Variants in SEPTIN11 observed in about 807,000 individuals in gnomAD.
SEPTIN11 encodes septin 11, also known as septin-11.
A neutral mutation model predicts 51.4 loss-of-function variants in SEPTIN11; 25 were observed. The ratio of observed to expected loss-of-function variants is 0.49; its 90% confidence interval spans 0.35 to 0.68. SEPTIN11 has a LOEUF of 0.68. SEPTIN11 is among the 30% of genes least tolerant of loss of function. The pLI is 0.00. For synonymous variants in SEPTIN11, 174 were observed against 184.1 expected, an observed-to-expected ratio of 0.95 and a Z score of 0.44; for missense variants, 381 against 520.8, an observed-to-expected ratio of 0.73 and a Z score of 2.61.
chr4:76,966,885 A>G (rs968419479), intron 1 of SEPTIN11, among the ~76,000 whole-genome samples: 5 of 150,518 alleles, frequency 3.3e-5, no homozygotes, highest in Non-Finnish European at 7.4e-5. Context: ...AGTAGTCTAG[A>G]TCTCAGTTAA....
intron 3 of SEPTIN11, among the ~76,000 whole-genome samples, 162 bp downstream of exon 3, chr4:77,005,958 A>G (rs1039943700): frequency 1.3e-5 from 2 of 151,748 alleles, no homozygotes; most frequent in African/African-American, 4.9e-5. Context: ...AATTTTTCTG[A>G]GAATATTCTT....
chr4:76,959,390 A>G (rs1283018222), intron 1 of SEPTIN11, among the ~76,000 whole-genome samples: 2 of 151,810 alleles, frequency 1.3e-5, no homozygotes, highest in East Asian at 3.9e-4. Flanking sequence ...CTGAGGTTAC[A>G]GTTATGAGCC....
At position 77,037,165 on chromosome 4, in the gene SEPTIN11, C is replaced by A; in HGVS notation, c.*2653C>A. On this transcript the variant is annotated 3_prime_UTR_variant, in exon 10 of 10. Coordinates refer to ENST00000264893, the MANE Select transcript of SEPTIN11 (RefSeq NM_018243.4). ...TCACTTGAGGCCTGGAGTTCAAGAC[C>A]ACCTTGGCGAACACGGTGAAACCCC... The A allele has an allele frequency of 1.4e-6, 1 of 739,916 alleles. No individual in the cohort carries two copies. The highest frequency in any genetic ancestry group is 1.7e-6 in the Non-Finnish European group (1 of 603,866). The allele number at this position is 739,916 out of a possible 1,614,324, so 45.8% of individuals were successfully genotyped here.
chr4:76,980,904 C>T (rs1038256745), intron 1 of SEPTIN11, among the ~76,000 whole-genome samples: 34 of 152,146 alleles, frequency 2.2e-4, no homozygotes, highest in African/African-American at 6.8e-4. Context: ...GATCTCTTGC[C>T]AAGCTATAAT....
chr4:77,038,991 T>G, downstream of SEPTIN11: 1 of 926,482 alleles, frequency 1.1e-6, no homozygotes, highest in South Asian at 1.4e-5. Context: ...TTTCACAGCT[T>G]GTTGTAGAGA....
chr4:76,967,880 G>C (rs1722093554), intron 1 of SEPTIN11, among the ~76,000 whole-genome samples: 1 of 152,142 alleles, frequency 6.6e-6, no homozygotes, highest in Non-Finnish European at 1.5e-5. Context: ...ATATAGATTG[G>C]TTGAGGACAA....
chr4:77,036,422 A>G lies in SEPTIN11; in HGVS notation c.*1910A>G, dbSNP rs1727026466. On this transcript the variant is annotated 3_prime_UTR_variant, in exon 10 of 10. Transcript: ENST00000264893. ...ATATTTGTGTTGTATGCTTGTTCCAACCACCGCTTGTGTGAGCATTTTTGT... is the reference window on the plus strand; with the variant it reads ...ATATTTGTGTTGTATGCTTGTTCCAGCCACCGCTTGTGTGAGCATTTTTGT... The G allele has an allele frequency of 1.7e-6, 2 of 1,155,224 alleles. No homozygotes were observed. The highest frequency in any genetic ancestry group is 6.6e-5 in the East Asian group (1 of 15,074). The allele number at this position is 1,155,224 out of a possible 1,614,324, so 71.6% of individuals were successfully genotyped here. A position where few individuals can be genotyped will look rare whatever the true frequency, so the allele number is the denominator to read the frequency against.
chr4:76,953,003 G>A (rs545203700), intron 1 of SEPTIN11, among the ~76,000 whole-genome samples: 1 of 152,310 alleles, frequency 6.6e-6, no homozygotes, highest in Admixed American at 6.5e-5. Context: ...TGAAAGGAAC[G>A]TTAGAGGTCA....
In SEPTIN11 at chr4:77,024,110, G is replaced by A. The variant is rs1277356934; in HGVS notation, c.953+3440G>A. Among the ~76,000 whole-genome samples, 1 of 152,130 alleles carries A rather than the reference G, an allele frequency of 6.6e-6. No homozygotes were observed. The highest frequency in any genetic ancestry group is 6.5e-5 in the Admixed American group (1 of 15,274). ...CTAACACCAAGTCTAGTAAGAGGCA[G>A]TGCCACTGTGTATGTTACACAGTGT... On this transcript the variant is annotated intron_variant, in intron 7 of 9. Coordinates refer to ENST00000264893, the MANE Select transcript of SEPTIN11 (RefSeq NM_018243.4). This position sits in a 1 kb window ranked among gnomAD's most constrained non-coding sequence, Gnocchi z 4.2.
chr4:76,966,813 G>A (rs573879479), intron 1 of SEPTIN11, among the ~76,000 whole-genome samples: 2 of 152,206 alleles, frequency 1.3e-5, no homozygotes, highest in South Asian at 4.1e-4. Flanking sequence ...GCAGTGAGCC[G>A]AGATTGTGCC....
chr4:76,974,203 G>A (rs1249718700), intron 1 of SEPTIN11, among the ~76,000 whole-genome samples: 1 of 152,078 alleles, frequency 6.6e-6, no homozygotes, highest in Non-Finnish European at 1.5e-5. Flanking sequence ...TTGAAATTGG[G>A]ACAAAAACAT....
chr4:76,980,612 C>G (rs548537631), intron 1 of SEPTIN11, among the ~76,000 whole-genome samples: 2 of 152,312 alleles, frequency 1.3e-5, no homozygotes, highest in East Asian at 3.9e-4. Flanking sequence ...GTCTGACCCT[C>G]TCTATGTGGG....
At chr4:77,038,981 T>A, downstream of SEPTIN11, 1 of 867,994 alleles carries the variant, frequency 1.2e-6, no homozygotes. Flanking sequence ...ACTGCTGTTC[T>A]TTCACAGCTT....
At chr4:77,013,218 G>T (rs1266502917) in intron 4 of SEPTIN11, among the ~76,000 whole-genome samples, 1 of 152,140 alleles carries the variant, frequency 6.6e-6, no homozygotes, top group Non-Finnish European at 1.5e-5. Flanking sequence ...GGCAAAACAG[G>T]CACAACTAAT....
Position 77,019,621 on chromosome 4 carries a change from C to CT in SEPTIN11, c.784+366dup, listed in dbSNP as rs567909620. ...AAAGTTTCTTGCAAACAAGAGGGTA[C>CT]TTTTTTCTCCATCAACTATGCAAAA... On this transcript the variant is annotated intron_variant, in intron 6 of 9. Transcript: ENST00000264893. Among the ~76,000 whole-genome samples, 365 of 152,302 alleles carry CT rather than the reference C, an allele frequency of 2.4e-3. 4 individuals carry two copies. Among genetic ancestry groups the CT allele is most frequent in the Non-Finnish European group, 4.4e-3 (298 of 68,010 alleles).
chr4:76,958,192 C>T (rs374024723), intron 1 of SEPTIN11, among the ~76,000 whole-genome samples: 35 of 152,340 alleles, frequency 2.3e-4, no homozygotes, highest in East Asian at 1.7e-3. Context: ...GTGTAGACCT[C>T]GCAAGTCCAC....
intron 1 of SEPTIN11, among the ~76,000 whole-genome samples, chr4:76,992,750 A>G (rs1263284202): frequency 2.6e-5 from 4 of 152,236 alleles, no homozygotes; most frequent in Non-Finnish European, 5.9e-5. Flanking sequence ...TTCATAATAA[A>G]GACAATGATG....
chr4:76,960,480 A>G (rs991086780), intron 1 of SEPTIN11, among the ~76,000 whole-genome samples: 2 of 152,172 alleles, frequency 1.3e-5, no homozygotes, highest in African/African-American at 4.8e-5. Flanking sequence ...CAAAATCACT[A>G]ATAATTAATT....
Position 77,035,316 on chromosome 4 carries a change from A to G in SEPTIN11, c.*804A>G. 1 of 985,462 alleles carries G rather than the reference A, an allele frequency of 1.0e-6. No homozygotes were observed. Among genetic ancestry groups the G allele is most frequent in the Non-Finnish European group, 1.2e-6 (1 of 829,944 alleles). The allele number at this position is 985,462 out of a possible 1,614,324, so 61.0% of individuals were successfully genotyped here. ...TTCTTCTAAGGATGATGGGCTTTCT[A>G]CAGCCTGCTTACCACTAACAGTAAG... On this transcript the variant is annotated 3_prime_UTR_variant, in exon 10 of 10. Coordinates refer to ENST00000264893, the MANE Select transcript of SEPTIN11 (RefSeq NM_018243.4).
Sources: allele counts gnomAD v4.1 joint callset (sites outside exome capture counted in the v4.1 genomes callset), GRCh38; gene constraint gnomAD v4.1.1; non-coding constraint Gnocchi (gnomAD v3.1); transcripts MANE v1.5; gene names NCBI Gene and HGNC (gene_info 2026-07-23, HGNC 2026-07-21).